Variants in CSPP1 observed in about 807,000 individuals in gnomAD.
CSPP1 encodes the protein centrosome and spindle pole-associated protein 1.
In CSPP1, 126 loss-of-function variants were observed where a neutral mutation model predicts 164.4. That is an observed-to-expected ratio of 0.77 (90% CI 0.66 to 0.89). The LOEUF (loss-of-function observed/expected upper bound fraction) is 0.89, where lower values mean the gene tolerates loss of function less well. Ranked by LOEUF, CSPP1 falls within the 40% of genes least tolerant of loss-of-function variation. The probability of loss-of-function intolerance (pLI) is 0.00; values close to 1 mark genes in which losing one functional copy is unlikely to be tolerated. For missense variants in CSPP1, 1,395 were observed against 1,449.8 expected, an observed-to-expected ratio of 0.96 and a Z score of 0.61; for synonymous variants, 472 against 476.7, an observed-to-expected ratio of 0.99 and a Z score of 0.13.
At chr8:67,157,985 A>G (rs1826991153) in intron 19 of CSPP1, 1 of 152,294 alleles carries the variant, frequency 6.6e-6, no homozygotes, top group Non-Finnish European at 1.5e-5. Flanking sequence ...ATGATTGAAT[A>G]CTAAAATACT....
chr8:67,179,910 T>G lies in CSPP1; in HGVS notation c.3204T>G (p.Ser1068=). ...TCTTGAAAAACTCATTATTGGAATC[T>G]GATAGTGCTTTTATTGGTGAGTATA... ...SDFLKNSLLE[S]DSAFIGAYGE... Residue 1068 remains serine, a synonymous_variant, in exon 28 of 31, where the codon TCT becomes TCG. Coordinates refer to ENST00000678616, the MANE Select transcript of CSPP1 (RefSeq NM_001382391.1). 2 of 1,573,620 alleles carry G rather than the reference T, an allele frequency of 1.3e-6. No individual in the cohort carries two copies. The highest frequency in any genetic ancestry group is 1.7e-6 in the Non-Finnish European group (2 of 1,143,864).
At position 67,175,290 on chromosome 8, in the gene CSPP1, T is replaced by C. The variant is rs1831341092; in HGVS notation, c.2969-6T>C. 6.9e-6 allele frequency: 11 copies of C among 1,601,050 alleles called. No individual in the cohort carries two copies. The highest frequency in any genetic ancestry group is 1.7e-4 in the Middle Eastern group (1 of 6,028). ...ACTTAGTTATATAACATATTTTTTATACCAGATTCAGAAACACGAGTTGAT... is the reference window on the plus strand; with the variant it reads ...ACTTAGTTATATAACATATTTTTTACACCAGATTCAGAAACACGAGTTGAT... On this transcript the variant is annotated splice_region_variant and splice_polypyrimidine_tract_variant and intron_variant, in intron 25 of 30. Coordinates refer to ENST00000678616, the MANE Select transcript of CSPP1 (RefSeq NM_001382391.1).
intron 15 of CSPP1, among the ~76,000 whole-genome samples, chr8:67,122,116 T>C (rs1369259562): frequency 6.6e-6 from 1 of 151,886 alleles, no homozygotes; most frequent in African/African-American, 2.4e-5. Context: ...TTCAGAGCCT[T>C]CTTGTTGGTC....
At chr8:67,121,673 G>C (rs1327737641) in intron 15 of CSPP1, among the ~76,000 whole-genome samples, 9 of 152,122 alleles carry the variant, frequency 5.9e-5, no homozygotes, top group Non-Finnish European at 1.2e-4. Context: ...TGGGCTTATA[G>C]AAGGAATTAG....
chr8:67,130,995 A>G (rs1563637001), intron 15 of CSPP1, among the ~76,000 whole-genome samples: 1 of 152,214 alleles, frequency 6.6e-6, no homozygotes, highest in Non-Finnish European at 1.5e-5. Flanking sequence ...TCTCAAAACA[A>G]AAGAAAACAA....
intron 4 of CSPP1, chr8:67,086,888 C>CTTTTT: frequency 3.2e-6 from 3 of 928,300 alleles, no homozygotes; most frequent in Non-Finnish European, 4.4e-6. Context: ...TTTTTTCTTT[C>CTTTTT]TTTTTTTTTT....
rs1003777210 is a variant in CSPP1, at chr8:67,095,396, T to G, written c.587T>G (p.Val196Gly). 3 of 1,613,002 alleles carry G rather than the reference T, an allele frequency of 1.9e-6. No homozygotes were observed. The Admixed American group carries it at 5.0e-5, about 27-fold the overall frequency. The stretch of plus-strand genomic sequence containing the variant: ...AATTCAGAGGGTCCTAGAAAAGATG[T>G]CTTAACTCCTTCAGAGGCATATGAA... ...CENSEGPRKD[V>G]LTPSEAYEEL... The change falls in exon 7 of 31, where the codon GTC becomes GGC. Residue 196 changes from valine to glycine, a missense_variant. Val to Gly is a moderately radical substitution (Grantham distance 109, BLOSUM62 -3). Transcript: ENST00000678616.
At chr8:67,186,296 C>CTT (rs1834553434) in intron 28 of CSPP1, among the ~76,000 whole-genome samples, 2 of 151,982 alleles carry the variant, frequency 1.3e-5, no homozygotes, top group Non-Finnish European at 2.9e-5. Context: ...GCAACTCCAC[C>CTT]CTTTGCTTGG....
intron 13 of CSPP1, among the ~76,000 whole-genome samples, chr8:67,117,468 C>T (rs933278693): frequency 1.3e-5 from 2 of 152,104 alleles, no homozygotes; most frequent in African/African-American, 4.8e-5. Flanking sequence ...ATTTTTACTA[C>T]TGAAAAATAT....
chr8:67,174,526 G>A (rs1419349853), intron 25 of CSPP1: 2 of 152,114 alleles, frequency 1.3e-5, no homozygotes, highest in East Asian at 3.9e-4. Flanking sequence ...ACTTTGAGAG[G>A]CCGAGGCGTG....
In CSPP1 at chr8:67,149,778, C is replaced by G; in HGVS notation, c.1976-5C>G. 6.6e-7 allele frequency: 1 copy of G among 1,521,270 alleles called. No individual in the cohort carries two copies. The highest frequency in any genetic ancestry group is 8.8e-7 in the Non-Finnish European group (1 of 1,139,442). The allele number at this position is 1,521,270 out of a possible 1,614,324, so 94.2% of individuals were successfully genotyped here. On this transcript the variant is annotated splice_region_variant and splice_polypyrimidine_tract_variant and intron_variant, in intron 17 of 30. Transcript: ENST00000678616. ...TGAAATAAATGGCTTATTTTTTCCTCTCAGCTGATTTGAATAGGATGCACA... is the reference window on the plus strand; with the variant it reads ...TGAAATAAATGGCTTATTTTTTCCTGTCAGCTGATTTGAATAGGATGCACA...
Position 67,193,606 on chromosome 8 carries a change from A to G in CSPP1, c.3469+4A>G. On this transcript the variant is annotated splice_donor_region_variant and intron_variant, in intron 30 of 30. Coordinates refer to ENST00000678616, the MANE Select transcript of CSPP1 (RefSeq NM_001382391.1). Reference sequence around the variant, plus strand: ...CACAATAAACCTATTAATACAGGTAAATGACCAAGTGTAATGGCCTATAGT... The same window carrying G: ...CACAATAAACCTATTAATACAGGTAGATGACCAAGTGTAATGGCCTATAGT... The G allele has an allele frequency of 6.2e-7, 1 of 1,612,172 alleles. No homozygotes were observed. The highest frequency in any genetic ancestry group is 8.5e-7 in the Non-Finnish European group (1 of 1,178,690).
chr8:67,162,215 A>G (rs1828505425), intron 22 of CSPP1, among the ~76,000 whole-genome samples: 1 of 152,220 alleles, frequency 6.6e-6, no homozygotes, highest in Non-Finnish European at 1.5e-5. Flanking sequence ...AAATGTTCTA[A>G]GATTGATCCT....
intron 16 of CSPP1, 41 bp from the exon 17 acceptor site, chr8:67,137,415 A>T (rs371043157): frequency 2.3e-6 from 3 of 1,322,576 alleles, no homozygotes; most frequent in Non-Finnish European, 3.0e-6. Context: ...GTATCAGAAT[A>T]CTTGTCAGCG....
intron 18 of CSPP1, among the ~76,000 whole-genome samples, chr8:67,151,407 A>C (rs1825659458): frequency 6.6e-6 from 1 of 152,192 alleles, no homozygotes; most frequent in Non-Finnish European, 1.5e-5. Flanking sequence ...TGCTGCTTCT[A>C]GTAGTCTGTA....
chr8:67,196,056 A>AATT lies in CSPP1; in HGVS notation c.*470_*472dup, dbSNP rs1046765043. On this transcript the variant is annotated 3_prime_UTR_variant, in exon 31 of 31. Coordinates refer to ENST00000678616, the MANE Select transcript of CSPP1 (RefSeq NM_001382391.1). ...GATGCAATCAAATGTCCTATTAATT[A>AATT]ATTATTATTTCATGTCATTTGTAGC... 6.5e-6 allele frequency: 1 copy of AATT among 153,810 alleles called. No homozygotes were observed. The highest frequency in any genetic ancestry group is 1.4e-5 in the Non-Finnish European group (1 of 69,552). The allele number at this position is 153,810 out of a possible 1,614,324, so 9.5% of individuals were successfully genotyped here. A position where few individuals can be genotyped will look rare whatever the true frequency, so the allele number is the denominator to read the frequency against.
chr8:67,091,108 A>G (rs865957823), intron 4 of CSPP1, among the ~76,000 whole-genome samples: 2 of 152,068 alleles, frequency 1.3e-5, no homozygotes, highest in African/African-American at 4.8e-5. Flanking sequence ...TCATCCTTAT[A>G]CCAGCTTTGG....
chr8:67,093,604 C>A lies in CSPP1; in HGVS notation c.446C>A (p.Ser149Tyr). The A allele has an allele frequency of 6.2e-7, 1 of 1,612,234 alleles. No individual in the cohort carries two copies. Among genetic ancestry groups the A allele is most frequent in the Middle Eastern group, 1.7e-4 (1 of 6,058 alleles). ...YNQFLRGKEE[S>Y]SEKFRQVEKS... ...CAGTTTCTCAGGGGTAAGGAAGAATCCAGTGAAAAGTTCAGGCAGGTGGAA... is the reference window on the plus strand; with the variant it reads ...CAGTTTCTCAGGGGTAAGGAAGAATACAGTGAAAAGTTCAGGCAGGTGGAA... The change falls in exon 6 of 31, where the codon TCC becomes TAC. Residue 149 changes from serine (S) to tyrosine (Y), a missense_variant. Ser to Tyr is a moderately radical substitution (Grantham distance 144). Coordinates refer to ENST00000678616, the MANE Select transcript of CSPP1 (RefSeq NM_001382391.1).
At chr8:67,126,615 A>G (rs572817386) in intron 15 of CSPP1, among the ~76,000 whole-genome samples, 1 of 152,198 alleles carries the variant, frequency 6.6e-6, no homozygotes, top group East Asian at 1.9e-4. Context: ...TTCACATCCC[A>G]CTTGCACAGG....
Sources: allele counts gnomAD v4.1 joint callset (sites outside exome capture counted in the v4.1 genomes callset), GRCh38; gene constraint gnomAD v4.1.1; transcripts MANE v1.5; gene names NCBI Gene and HGNC (gene_info 2026-07-23, HGNC 2026-07-21).